The following PCDHGA9 variants were observed in gnomAD, a reference collection of about 807,000 sequenced individuals.
The protein encoded by PCDHGA9 is protocadherin gamma subfamily A, 9.
In PCDHGA9, 37 loss-of-function variants were observed where a neutral mutation model predicts 62.5. The ratio of observed to expected loss-of-function variants is 0.59; its 90% CI spans 0.46 to 0.78. The LOEUF is 0.78. Among genes scored for constraint, PCDHGA9 ranks in the 30% least tolerant of loss-of-function variants. The pLI, the probability that PCDHGA9 is intolerant of heterozygous loss-of-function variation, is 0.00. For synonymous variants in PCDHGA9, 459 were observed against 484.6 expected, an observed-to-expected ratio of 0.95 and a Z score of 0.69; for missense variants, 1,138 against 1,166.2, an observed-to-expected ratio of 0.98 and a Z score of 0.35.
At chr5:141,414,502 A>G in intron 1 of PCDHGA9, 1 of 1,613,944 alleles carries the variant, frequency 6.2e-7, no homozygotes, top group South Asian at 1.1e-5. Flanking sequence ...AGCTCACTTT[A>G]TGCTACAAGT....
At chr5:141,409,388 T>C in intron 1 of PCDHGA9, 1 of 1,614,018 alleles carries the variant, frequency 6.2e-7, no homozygotes, top group Non-Finnish European at 8.5e-7. Flanking sequence ...CAAGATTTAT[T>C]CTTCTTCCAA....
In PCDHGA9 at chr5:141,486,397, G is replaced by T; in HGVS notation, c.2425-8410G>T. 6.2e-7 allele frequency: 1 copy of T among 1,614,164 alleles called. No individual in the cohort carries two copies. Among genetic ancestry groups the T allele is most frequent in the East Asian group, 2.2e-5 (1 of 44,872 alleles). On this transcript the variant is annotated intron_variant, in intron 1 of 3. Coordinates refer to ENST00000573521, the MANE Select transcript of PCDHGA9 (RefSeq NM_018921.3). The surrounding 1 kb of genome is among the most constrained non-coding windows in gnomAD (Gnocchi z 5.0). ...CCTTCAGGAACCAGTTCTCCCTGGTGACTGCTGGACCCTTGGATCGAGAGG... is the reference window on the plus strand; with the variant it reads ...CCTTCAGGAACCAGTTCTCCCTGGTTACTGCTGGACCCTTGGATCGAGAGG...
intron 1 of PCDHGA9, chr5:141,422,528 C>T: frequency 5.0e-6 from 8 of 1,614,018 alleles, no homozygotes; most frequent in Non-Finnish European, 5.1e-6. Flanking sequence ...CCGCCTTTGT[C>T]TGCAGAAACT....
chr5:141,492,859 C>T (rs966216924), intron 1 of PCDHGA9, among the ~76,000 whole-genome samples: 1 of 152,232 alleles, frequency 6.6e-6, no homozygotes, highest in Non-Finnish European at 1.5e-5. Flanking sequence ...CTCGAGCGCC[C>T]TGGCTCTCAA....
intron 1 of PCDHGA9, chr5:141,441,206 C>T (rs750648706): frequency 3.3e-5 from 5 of 152,150 alleles, no homozygotes; most frequent in African/African-American, 4.8e-5. Context: ...GATTCTGCAC[C>T]TTGGACAGTA....
At chr5:141,461,979 A>C (rs1420971777) in intron 1 of PCDHGA9, among the ~76,000 whole-genome samples, 1 of 152,144 alleles carries the variant, frequency 6.6e-6, no homozygotes, top group Non-Finnish European at 1.5e-5. Context: ...ATATGCCACC[A>C]CGCCAGGCTA....
At chr5:141,406,908 A>G (rs1256233458) in intron 1 of PCDHGA9, among the ~76,000 whole-genome samples, 2 of 152,204 alleles carry the variant, frequency 1.3e-5, no homozygotes, top group Non-Finnish European at 2.9e-5. Flanking sequence ...GTTTTTAGCT[A>G]TAAGGAAGAG....
rs748803155 is a variant in PCDHGA9, at chr5:141,490,087, G to C, written c.2425-4720G>C. ...CGGCCAACTAGACTATTCTTTTGGAGACCACACATCTGAGGCAGTGCGGAA... is the reference window on the plus strand; with the variant it reads ...CGGCCAACTAGACTATTCTTTTGGACACCACACATCTGAGGCAGTGCGGAA... On this transcript the variant is annotated intron_variant, in intron 1 of 3. Transcript: ENST00000573521. The surrounding 1 kb of genome is among the most constrained non-coding windows in gnomAD (Gnocchi z 5.4). 1.9e-6 allele frequency: 3 copies of C among 1,614,244 alleles called. No individual in the cohort carries two copies. Among genetic ancestry groups the C allele is most frequent in the Non-Finnish European group, 2.5e-6 (3 of 1,180,044 alleles).
intron 1 of PCDHGA9, among the ~76,000 whole-genome samples, chr5:141,448,877 G>A (rs1421211206): frequency 6.6e-6 from 1 of 152,112 alleles, no homozygotes; most frequent in African/African-American, 2.4e-5. Flanking sequence ...CCTGGGAGGC[G>A]GAGCTTGCAG....
chr5:141,495,721 G>A (rs2099763243), intron 2 of PCDHGA9, among the ~76,000 whole-genome samples: 1 of 152,100 alleles, frequency 6.6e-6, no homozygotes, highest in Non-Finnish European at 1.5e-5. Context: ...TAACTACACG[G>A]GACCCTTAGT....
chr5:141,458,990 C>T (rs2098958778), intron 1 of PCDHGA9, among the ~76,000 whole-genome samples: 1 of 152,212 alleles, frequency 6.6e-6, no homozygotes, highest in Non-Finnish European at 1.5e-5. Context: ...GCCTCACCCT[C>T]CCAAAGTGCT....
At chr5:141,414,883 G>A (rs572616023) in intron 1 of PCDHGA9, 1 of 1,614,176 alleles carries the variant, frequency 6.2e-7, no homozygotes, top group South Asian at 1.1e-5. Context: ...CCTGTACCCC[G>A]CCCTCCCCAC....
At chr5:141,437,887 G>A (rs1289693561) in intron 1 of PCDHGA9, among the ~76,000 whole-genome samples, 12 of 151,946 alleles carry the variant, frequency 7.9e-5, no homozygotes, top group Admixed American at 3.3e-4. Flanking sequence ...ACAGGCACAC[G>A]CCACCACACC....
chr5:141,492,460 G>T (rs2099740851), intron 1 of PCDHGA9, among the ~76,000 whole-genome samples: 1 of 152,218 alleles, frequency 6.6e-6, no homozygotes, highest in African/African-American at 2.4e-5. Flanking sequence ...GCGCGCCTGA[G>T]GGTCCCAGAT....
chr5:141,427,197 A>C (rs1277186420), intron 1 of PCDHGA9: 4 of 456,762 alleles, frequency 8.8e-6, no homozygotes, highest in Admixed American at 2.3e-5. Context: ...CAAAGACTTA[A>C]TAGACTTCGA....
Position 141,485,243 on chromosome 5 carries a change from C to A in PCDHGA9, c.2425-9564C>A. ...TACCCTTTTGTTCCTCTTTTACCACCTGGGTTACGTTTGTGGGCAGATCCG... is the reference window on the plus strand; with the variant it reads ...TACCCTTTTGTTCCTCTTTTACCACATGGGTTACGTTTGTGGGCAGATCCG... On this transcript the variant is annotated intron_variant, in intron 1 of 3. Transcript: ENST00000573521. This position sits in a 1 kb window ranked among gnomAD's most constrained non-coding sequence, Gnocchi z 5.7. 1 of 1,614,180 alleles carries A rather than the reference C, an allele frequency of 6.2e-7. No homozygotes were observed. The highest frequency in any genetic ancestry group is 8.5e-7 in the Non-Finnish European group (1 of 1,180,000).
intron 1 of PCDHGA9, chr5:141,478,167 G>A: frequency 6.2e-7 from 1 of 1,613,772 alleles, no homozygotes; most frequent in Non-Finnish European, 8.5e-7. Context: ...TCTGCCCCCC[G>A]GGAGCAGAAA....
Position 141,449,530 on chromosome 5 carries a change from A to G in PCDHGA9, c.2424+44154A>G, listed in dbSNP as rs2098641850. On this transcript the variant is annotated intron_variant, in intron 1 of 3. Transcript: ENST00000573521. ...CTTGAACCTGGGAGGCGGAGGTTGC[A>G]GTGAGCCGAGATCGCACCACTGCAC... Among the ~76,000 whole-genome samples, 4 of 149,684 alleles carry G rather than the reference A, an allele frequency of 2.7e-5. No individual in the cohort carries two copies. The South Asian group carries it at 8.5e-4, about 32-fold the overall frequency.
chr5:141,438,619 TATATATATATATATATACACAC>T (rs1408639052), intron 1 of PCDHGA9, among the ~76,000 whole-genome samples: 61 of 39,666 alleles, frequency 1.5e-3, no homozygotes, highest in African/African-American at 9.2e-3. Context: ...TATATATATA[TATATATATATATATATACACAC>T]ACACACACAC....
Sources: gnomAD v4.1 joint callset for allele counts (sites outside exome capture counted in the v4.1 genomes callset) on GRCh38, gnomAD v4.1.1 for gene constraint, Gnocchi (gnomAD v3.1) non-coding constraint, MANE v1.5 for transcripts, NCBI Gene and HGNC (gene_info 2026-07-23, HGNC 2026-07-21) for gene names.